Variants in LRRC4B observed in about 807,000 individuals in gnomAD.
LRRC4B encodes the protein leucine-rich repeat-containing protein 4B.
LRRC4B carries 1 observed loss-of-function variant against 7.3 expected under a neutral mutation model. The ratio of observed to expected loss-of-function variants is 0.14; its 90% confidence interval spans 0.05 to 0.65. The LOEUF is 0.65. LRRC4B is among the 30% of genes least tolerant of loss of function. LRRC4B has a pLI of 0.84. For synonymous variants in LRRC4B, 500 were observed against 499.2 expected, an observed-to-expected ratio of 1.00 and a Z score of -0.02; for missense variants, 730 against 1,041.6, an observed-to-expected ratio of 0.70 and a Z score of 4.12.
At chr19:50,532,120 C>A (rs1981084447) in intron 2 of LRRC4B, among the ~76,000 whole-genome samples, 1 of 152,198 alleles carries the variant, frequency 6.6e-6, no homozygotes, top group Admixed American at 6.5e-5. Flanking sequence ...CCTGTAGTCC[C>A]AGCTACTTGG....
At chr19:50,532,168 G>A (rs957183098) in intron 2 of LRRC4B, among the ~76,000 whole-genome samples, 11 of 152,110 alleles carry the variant, frequency 7.2e-5, no homozygotes, top group African/African-American at 1.2e-4. Context: ...CCCGGGAGGC[G>A]GAGGTTGCAG....
At chr19:50,554,828 G>A (rs887647422) in intron 1 of LRRC4B, among the ~76,000 whole-genome samples, 1 of 152,196 alleles carries the variant, frequency 6.6e-6, no homozygotes, top group South Asian at 2.1e-4. Context: ...TGCCTAATGC[G>A]AAACACACGG....
At position 50,519,471 on chromosome 19, in the gene LRRC4B, G is replaced by T; in HGVS notation, c.298-56C>A. 3 of 1,479,684 alleles carry T rather than the reference G, an allele frequency of 2.0e-6. No homozygotes were observed. Among genetic ancestry groups the T allele is most frequent in the East Asian group, 4.9e-5 (2 of 40,782 alleles). 91.7% of individuals were successfully genotyped at this position (1,479,684 alleles called of 1,614,324 possible). ...GAGATACTGACGGGGACCGTGGGGG[G>T]ATCACCAAGGTCCCGGGCGCAGGTG... On this transcript the variant is annotated intron_variant, in intron 2 of 2. Coordinates refer to ENST00000652263, the MANE Select transcript of LRRC4B (RefSeq NM_001080457.2). The surrounding 1 kb of genome is among the most constrained non-coding windows in gnomAD (Gnocchi z 8.1).
In LRRC4B at chr19:50,518,413, A is replaced by G; in HGVS notation, c.1300T>C (p.Tyr434His). ...GCTGAGTTCGTCACCATGCACGTGT[A>G]CTGGCCCGTGTCCTGCACGGTGACG... ...TNVTVQDTGQ[Y>H]TCMVTNSAGN... is the part of the protein sequence containing the mutation. Residue 434 changes from tyrosine (Y) to histidine (H), a missense_variant, in exon 3 of 3, where the codon TAC becomes CAC. Around this residue, in one of 6 missense-constraint regions of LRRC4B, gnomAD observed 192 missense variants for 228.6 expected, o/e 0.84. Coordinates refer to ENST00000652263, the MANE Select transcript of LRRC4B (RefSeq NM_001080457.2). 1 of 1,571,640 alleles carries G rather than the reference A, an allele frequency of 6.4e-7. No homozygotes were observed. Among genetic ancestry groups the G allele is most frequent in the Non-Finnish European group, 8.6e-7 (1 of 1,161,236 alleles).
In LRRC4B at chr19:50,519,401, G is replaced by A; in HGVS notation, c.312C>T (p.Asp104=). ...QENGIQVIRT[D]TFKHLRHLEI... is the part of the protein sequence containing the mutation. ...CCAGGTGCCGCAGGTGCTTGAACGT[G>A]TCCGTCCGGATCACCTGGGGAGAGG... The change falls in exon 3 of 3, where the codon GAC becomes GAT. Residue 104 remains aspartate (D), a synonymous_variant. Coordinates refer to ENST00000652263, the MANE Select transcript of LRRC4B (RefSeq NM_001080457.2). The surrounding 1 kb of genome is among the most constrained non-coding windows in gnomAD (Gnocchi z 8.1). 1 of 1,598,646 alleles carries A rather than the reference G, an allele frequency of 6.3e-7. No individual in the cohort carries two copies. The highest frequency in any genetic ancestry group is 8.5e-7 in the Non-Finnish European group (1 of 1,175,700).
intron 2 of LRRC4B, among the ~76,000 whole-genome samples, chr19:50,525,245 G>T (rs1392370535): frequency 2.6e-5 from 4 of 152,128 alleles, no homozygotes; most frequent in African/African-American, 9.7e-5. Flanking sequence ...CACTTCAGAG[G>T]GTGAGGGAGA....
chr19:50,564,186 C>T (rs139894581), intron 1 of LRRC4B, among the ~76,000 whole-genome samples: 1,650 of 152,210 alleles, frequency 0.011, 7 homozygotes, highest in Non-Finnish European at 0.016. Context: ...CTGAGCACAA[C>T]CCACAGTTAT....
intron 1 of LRRC4B, among the ~76,000 whole-genome samples, chr19:50,564,875 AC>A (rs917365866): frequency 4.1e-5 from 2 of 48,522 alleles, no homozygotes; most frequent in Admixed American, 2.0e-4. Context: ...TTCAGCGGCC[AC>A]CCCCGCCCCC....
chr19:50,554,570 T>C lies in LRRC4B; in HGVS notation c.-35-5697A>G, dbSNP rs1446148917. Among the ~76,000 whole-genome samples the C allele has an allele frequency of 2.0e-5, 3 of 152,204 alleles. No individual in the cohort carries two copies. The East Asian group carries it at 5.8e-4, about 29-fold the overall frequency. The stretch of plus-strand genomic sequence containing the variant: ...CCAGTTGTCCCCAGATAGAGCCCTC[T>C]GACCTGGATAACAGGAATGCTGGCT... On this transcript the variant is annotated intron_variant, in intron 1 of 2. Transcript: ENST00000652263.
In LRRC4B at chr19:50,518,955, G is replaced by C. The variant is rs570089065; in HGVS notation, c.758C>G (p.Thr253Ser). Residue 253 changes from threonine to serine, a missense_variant, in exon 3 of 3, where the codon ACC becomes AGC. Physicochemically the swap from Thr to Ser is moderately conservative, Grantham distance 58. Around this residue, in one of 6 missense-constraint regions of LRRC4B, gnomAD observed 226 missense variants for 448.0 expected, o/e 0.50. Transcript: ENST00000652263. The part of the protein sequence containing the change: ...LIRPGSFQGL[T>S]SLRKLWLMHA... ...CATGAGCCACAGCTTGCGCAGGCTG[G>C]TGAGACCCTGGAAGGAGCCCGGGCG... The C allele has an allele frequency of 1.6e-5, 26 of 1,613,888 alleles. No homozygotes were observed. In the Admixed American group the frequency reaches 3.7e-4, roughly 23 times the overall value.
At chr19:50,557,536 T>C (rs1003204886) in intron 1 of LRRC4B, 1 of 152,232 alleles carries the variant, frequency 6.6e-6, no homozygotes, top group African/African-American at 2.4e-5. Flanking sequence ...AAGTGACATA[T>C]AGGACTCGGA....
Position 50,548,665 on chromosome 19 carries a change from G to C in LRRC4B, c.174C>G (p.Pro58=). 6.4e-7 allele frequency: 1 copy of C among 1,564,846 alleles called. No homozygotes were observed. Among genetic ancestry groups the C allele is most frequent in the Non-Finnish European group, 8.6e-7 (1 of 1,158,002 alleles). The change falls in exon 2 of 3, where the codon CCC becomes CCG. Residue 58 remains proline, a synonymous_variant. Transcript: ENST00000652263. The surrounding 1 kb of genome is among the most constrained non-coding windows in gnomAD (Gnocchi z 6.8). ...CCTGGTTGCTGCAGGAGCAGGCCAC[G>C]GGGCAGGAGGTGGCCGGCGGGGAGC... ...GGGSPPATSC[P]VACSCSNQAS... is the part of the protein sequence containing the mutation.
In LRRC4B at chr19:50,519,218, C is replaced by T. The variant is rs199499096; in HGVS notation, c.495G>A (p.Leu165=). 2 of 1,613,988 alleles carry T rather than the reference C, an allele frequency of 1.2e-6. No individual in the cohort carries two copies. The highest frequency in any genetic ancestry group is 4.5e-5 in the East Asian group (2 of 44,898). Reference sequence around the variant, plus strand: ...GGATGCTCTCGATGGGGTTGTTCCGCAGCCAGAGCTCCCGCAGCTTGGACA... The same window carrying T: ...GGATGCTCTCGATGGGGTTGTTCCGTAGCCAGAGCTCCCGCAGCTTGGACA... ...EYLSKLRELW[L]RNNPIESIPS... is the part of the protein sequence containing the mutation. The change falls in exon 3 of 3, where the codon CTG becomes CTA. Residue 165 remains leucine (L), a synonymous_variant. Transcript: ENST00000652263. This position sits in a 1 kb window ranked among gnomAD's most constrained non-coding sequence, Gnocchi z 8.1.
chr19:50,552,689 C>T (rs1229648201), intron 1 of LRRC4B, among the ~76,000 whole-genome samples: 4 of 150,716 alleles, frequency 2.7e-5, no homozygotes, highest in African/African-American at 7.4e-5. Context: ...TCCATCCATC[C>T]GTCCATCCAT....
intron 2 of LRRC4B, among the ~76,000 whole-genome samples, chr19:50,530,092 C>T (rs1980986558): frequency 6.6e-6 from 1 of 152,108 alleles, no homozygotes; most frequent in Non-Finnish European, 1.5e-5. Context: ...CCTTGCAGCG[C>T]ACTCCCCCAT....
intron 1 of LRRC4B, among the ~76,000 whole-genome samples, chr19:50,562,293 ATT>A (rs982103267): frequency 6.6e-6 from 1 of 151,846 alleles, no homozygotes; most frequent in Non-Finnish European, 1.5e-5. Flanking sequence ...TAGGTGTACT[ATT>A]TTGGGCAAGG....
rs913044427 is a variant in LRRC4B, at chr19:50,537,944, C to A, written c.297+10598G>T. 3.3e-5 allele frequency among the ~76,000 whole-genome samples: 5 copies of A among 152,220 alleles called. No homozygotes were observed. Among genetic ancestry groups the A allele is most frequent in the Non-Finnish European group, 7.3e-5 (5 of 68,036 alleles). On this transcript the variant is annotated intron_variant, in intron 2 of 2. Transcript: ENST00000652263. This position sits in a 1 kb window ranked among gnomAD's most constrained non-coding sequence, Gnocchi z 5.5. Reference sequence around the variant, plus strand: ...GCACTGCTCCCTCCTATCCAGAGGACCTCCTGGCTGCTGGTCGCAGGCCCG... The same window carrying A: ...GCACTGCTCCCTCCTATCCAGAGGAACTCCTGGCTGCTGGTCGCAGGCCCG...
rs554129990 is a variant in LRRC4B, at chr19:50,519,185, G to A, written c.528C>T (p.Tyr176=). The A allele has an allele frequency of 2.3e-5, 37 of 1,613,876 alleles. No homozygotes were observed. In the South Asian group the frequency reaches 3.1e-4, roughly 13 times the overall value. The change falls in exon 3 of 3, where the codon TAC becomes TAT. Residue 176 remains tyrosine, a synonymous_variant. Coordinates refer to ENST00000652263, the MANE Select transcript of LRRC4B (RefSeq NM_001080457.2). The surrounding 1 kb of genome is among the most constrained non-coding windows in gnomAD (Gnocchi z 8.1). ...GCAGCGAGGGCACGCGGTTGAAGGC[G>A]TAGGAGGGGATGCTCTCGATGGGGT... ...RNNPIESIPS[Y]AFNRVPSLRR...
At chr19:50,559,998 G>A (rs1982414298) in intron 1 of LRRC4B, among the ~76,000 whole-genome samples, 2 of 152,150 alleles carry the variant, frequency 1.3e-5, no homozygotes. Flanking sequence ...AGCTGGGCGT[G>A]GAGGCACCTG....
Sources: gnomAD v4.1 joint callset for allele counts (sites outside exome capture counted in the v4.1 genomes callset) on GRCh38, gnomAD v4.1.1 for gene constraint, gnomAD v4.1.1 regional missense constraint, Gnocchi (gnomAD v3.1) non-coding constraint, MANE v1.5 for transcripts, NCBI Gene and HGNC (gene_info 2026-07-23, HGNC 2026-07-21) for gene names.